The following PROM1 variants were observed in gnomAD, a reference collection of about 807,000 sequenced individuals.
PROM1 encodes the protein prominin 1, also known as prominin-1.
In PROM1, 105 loss-of-function variants were observed where a neutral mutation model predicts 116.9. The observed-to-expected ratio is 0.90, with a 90% confidence interval of 0.77 to 1.06. The LOEUF (loss-of-function observed/expected upper bound fraction) is 1.06, where lower values mean the gene tolerates loss of function less well. PROM1 is among the 50% of genes least tolerant of loss of function. The pLI, the probability that PROM1 is intolerant of heterozygous loss-of-function variation, is 0.00. For synonymous variants in PROM1, 393 were observed against 387.0 expected, an observed-to-expected ratio of 1.02 and a Z score of -0.18; for missense variants, 1,122 against 1,045.2, an observed-to-expected ratio of 1.07 and a Z score of -1.01.
chr4:16,025,422 G>A (rs1731009241), intron 5 of PROM1, 110 bp from the exon 6 acceptor site: 2 of 1,358,280 alleles, frequency 1.5e-6, no homozygotes, highest in Non-Finnish European at 2.0e-6. Context: ...AGAAGGACTG[G>A]CCTTTCCTCT....
chr4:16,075,149 G>C (rs550832800), intron 2 of PROM1, among the ~76,000 whole-genome samples: 1 of 152,178 alleles, frequency 6.6e-6, no homozygotes, highest in African/African-American at 2.4e-5. Flanking sequence ...GACAGTTCTG[G>C]AAAGTGCCAA....
At chr4:16,019,670 A>G (rs901060555) in intron 8 of PROM1, among the ~76,000 whole-genome samples, 1 of 152,218 alleles carries the variant, frequency 6.6e-6, no homozygotes, top group Non-Finnish European at 1.5e-5. Context: ...AAAAGATGTG[A>G]AATTTAAATT....
intron 2 of PROM1, among the ~76,000 whole-genome samples, chr4:16,042,823 G>A (rs760970151): frequency 2.6e-5 from 4 of 152,060 alleles, no homozygotes; most frequent in Non-Finnish European, 5.9e-5. Flanking sequence ...GAGAGCAGAC[G>A]TTCACCCTAT....
chr4:16,061,507 C>A lies in PROM1; in HGVS notation c.220+14180G>T, dbSNP rs546162735. Among the ~76,000 whole-genome samples the A allele has an allele frequency of 5.9e-5, 9 of 152,270 alleles. No individual in the cohort carries two copies. In the South Asian group the frequency reaches 1.2e-3, roughly 21 times the overall value. ...AGGATAGAGATCCCAGGAGCTAAAG[C>A]CCACTTTCTCGGCTGACCAGATGAC... On this transcript the variant is annotated intron_variant, in intron 2 of 27. Transcript: ENST00000447510.
intron 2 of PROM1, among the ~76,000 whole-genome samples, chr4:16,068,877 G>A (rs187498696): frequency 3.9e-5 from 6 of 152,058 alleles, no homozygotes; most frequent in Non-Finnish European, 1.5e-5. Context: ...CAAATCCCAC[G>A]AGCAAATCAG....
intron 8 of PROM1, among the ~76,000 whole-genome samples, chr4:16,022,270 T>C (rs902797150): frequency 6.6e-6 from 1 of 152,124 alleles, no homozygotes; most frequent in Middle Eastern, 3.2e-3. Context: ...CTCCGTTTCC[T>C]TGCCTGGAAA....
At chr4:16,023,500 G>A (rs1241332220) in intron 7 of PROM1, 85 bp from the exon 8 acceptor site, 6 of 1,102,846 alleles carry the variant, frequency 5.4e-6, no homozygotes, top group African/African-American at 1.6e-5. Context: ...ACTGCCTCAA[G>A]CCCCTCCTGC....
chr4:16,058,006 C>A lies in PROM1; in HGVS notation c.220+17681G>T, dbSNP rs79695966. On this transcript the variant is annotated intron_variant, in intron 2 of 27. Coordinates refer to ENST00000447510, the MANE Select transcript of PROM1 (RefSeq NM_006017.3). ...TTCAAAACTTCCCAGTAGCAGCCAC[C>A]TGAAACTGTCCAGGCCAATTGTTCA... is the stretch of plus-strand genomic sequence containing the variant. Among the ~76,000 whole-genome samples, 1,454 of 152,258 alleles carry A rather than the reference C, an allele frequency of 9.5e-3. 22 individuals are homozygous for A. The highest frequency in any genetic ancestry group is 0.034 in the African/African-American group (1,400 of 41,548).
intron 2 of PROM1, among the ~76,000 whole-genome samples, chr4:16,059,676 C>T (rs574412303): frequency 2.3e-4 from 35 of 152,222 alleles, no homozygotes; most frequent in African/African-American, 7.5e-4. Flanking sequence ...TGCAGTCCAG[C>T]CTCAGTGAAA....
intron 26 of PROM1, 65 bp downstream of exon 26, chr4:15,979,330 G>A: frequency 1.2e-6 from 2 of 1,609,004 alleles, no homozygotes; most frequent in Non-Finnish European, 1.7e-6. Flanking sequence ...AAAATTCAGT[G>A]CTGATCTATA....
At chr4:15,986,122 A>T in intron 20 of PROM1, 85 bp from the exon 21 acceptor site, 2 of 993,292 alleles carry the variant, frequency 2.0e-6, no homozygotes, top group Non-Finnish European at 3.0e-6. Context: ...AAGTACTGTA[A>T]CTCAGCTCTG....
At chr4:15,978,900 T>C (rs1425399343) in intron 26 of PROM1, among the ~76,000 whole-genome samples, 1 of 152,146 alleles carries the variant, frequency 6.6e-6, no homozygotes, top group South Asian at 2.1e-4. Context: ...AGCTCCTTAA[T>C]TCTAGAGAAT....
chr4:16,039,424 G>A (rs1734664916), intron 2 of PROM1, among the ~76,000 whole-genome samples: 1 of 152,174 alleles, frequency 6.6e-6, no homozygotes, highest in Non-Finnish European at 1.5e-5. Flanking sequence ...ACAAAGGAAT[G>A]GATGAAAGGA....
At position 15,989,837 on chromosome 4, in the gene PROM1, T is replaced by G. The variant is rs1411570368; in HGVS notation, c.1984-13A>C. The G allele has an allele frequency of 6.4e-7, 1 of 1,572,458 alleles. No homozygotes were observed. Among genetic ancestry groups the G allele is most frequent in the Non-Finnish European group, 8.7e-7 (1 of 1,151,566 alleles). ...AATTTCCTGGGGGCTACAAAAAGAA[T>G]AAAAAACAAAGATCAATACCATCTT... On this transcript the variant is annotated splice_polypyrimidine_tract_variant and intron_variant, in intron 18 of 27. Transcript: ENST00000447510.
At chr4:16,066,232 A>T (rs1403881718) in intron 2 of PROM1, among the ~76,000 whole-genome samples, 4 of 152,116 alleles carry the variant, frequency 2.6e-5, no homozygotes, top group Admixed American at 6.5e-5. Flanking sequence ...TCAAATAAAT[A>T]CTTCTTTCTT....
At chr4:15,975,976 A>G (rs1577758878) in intron 26 of PROM1, among the ~76,000 whole-genome samples, 2 of 152,376 alleles carry the variant, frequency 1.3e-5, no homozygotes, top group African/African-American at 4.8e-5. Flanking sequence ...GAATATAGAA[A>G]GTAGAAAAAA....
chr4:15,974,446 G>T (rs1267006636), intron 26 of PROM1, among the ~76,000 whole-genome samples: 1 of 152,070 alleles, frequency 6.6e-6, no homozygotes, highest in East Asian at 1.9e-4. Context: ...AAAAGAAAAA[G>T]AGACCAAAAA....
chr4:15,997,525 T>C (rs1004865608), intron 15 of PROM1, among the ~76,000 whole-genome samples: 1 of 152,006 alleles, frequency 6.6e-6, no homozygotes, highest in Non-Finnish European at 1.5e-5. Context: ...AGTGGCACGA[T>C]CTTGGCTCAC....
chr4:16,083,767 T>C (rs903607383), intron 1 of PROM1: 5 of 152,062 alleles, frequency 3.3e-5, no homozygotes, highest in African/African-American at 1.2e-4. Context: ...TGACCCGGCT[T>C]CTGGGACCAC....
Sources: gnomAD v4.1 joint callset for allele counts (sites outside exome capture counted in the v4.1 genomes callset) on GRCh38, gnomAD v4.1.1 for gene constraint, MANE v1.5 for transcripts, NCBI Gene and HGNC (gene_info 2026-07-23, HGNC 2026-07-21) for gene names.